Variants in FRMPD4 observed in about 807,000 individuals in gnomAD.
FRMPD4 encodes the protein FERM and PDZ domain containing 4.
In FRMPD4, 22 loss-of-function variants were observed where a neutral mutation model predicts 94.1. The observed-to-expected ratio is 0.23, with a 90% CI of 0.17 to 0.33. The LOEUF (loss-of-function observed/expected upper bound fraction) is 0.33. Ranked by LOEUF, FRMPD4 falls within the 10% of genes least tolerant of loss-of-function variation. FRMPD4 has a pLI of 1.00. For synonymous variants in FRMPD4, 631 were observed against 548.6 expected (o/e 1.15, Z -2.10); for missense variants, 1,111 against 1,339.9 (o/e 0.83, Z 2.67).
In FRMPD4 at chrX:12,723,090, A is replaced by T. The variant is rs908331587; in HGVS notation, c.*1232A>T. ...TTAAGTATTTATTAAATAAATACTT[A>T]ATCTGGATTGGCTGATAAAAATATG... On this transcript the variant is annotated 3_prime_UTR_variant, in exon 17 of 17. Transcript: ENST00000675598. 9.0e-6 allele frequency: 1 copy of T among 111,317 alleles called. No homozygotes were observed. Among genetic ancestry groups the T allele is most frequent in the Non-Finnish European group, 1.9e-5 (1 of 53,051 alleles). 9.2% of individuals were successfully genotyped at this position (111,317 alleles called of 1,213,427 possible).
At chrX:12,507,092 CTT>C (rs764119366) in intron 2 of FRMPD4, among the ~76,000 whole-genome samples, 276 of 112,293 alleles carry the variant, frequency 2.5e-3, no homozygotes, top group African/African-American at 8.5e-3. Flanking sequence ...CCTCTTGACT[CTT>C]TTTAAAAAAG....
chrX:11,899,852 T>G, intron 3 of FRMPD4, among the ~76,000 whole-genome samples: 1 of 112,810 alleles, frequency 8.9e-6, no homozygotes, highest in Admixed American at 9.4e-5. Context: ...GGAAAAATAC[T>G]AAATTTGTGA....
intron 3 of FRMPD4, among the ~76,000 whole-genome samples, chrX:12,002,182 T>C (rs1415568757): frequency 9.0e-6 from 1 of 111,628 alleles, no homozygotes; most frequent in East Asian, 2.8e-4. Flanking sequence ...TTCTGGACAA[T>C]TAAGGATGCA....
At chrX:12,244,495 G>A (rs1445202457) in intron 1 of FRMPD4, among the ~76,000 whole-genome samples, 1 of 112,022 alleles carries the variant, frequency 8.9e-6, no homozygotes, top group Admixed American at 9.4e-5. Context: ...GTTGACTGGC[G>A]CCCTAGTTCT....
At chrX:12,296,741 G>C (rs1440870571) in intron 1 of FRMPD4, among the ~76,000 whole-genome samples, 1 of 112,335 alleles carries the variant, frequency 8.9e-6, no homozygotes, top group Non-Finnish European at 1.9e-5. Flanking sequence ...ATCCCCCAGC[G>C]TCCCTGGGGT....
At chrX:12,498,250 G>A (rs2057873666) in intron 1 of FRMPD4, among the ~76,000 whole-genome samples, 1 of 111,775 alleles carries the variant, frequency 8.9e-6, no homozygotes, top group Admixed American at 9.4e-5. Flanking sequence ...TCCTTCCGAA[G>A]TATGGTTAAG....
At chrX:12,582,303 T>C (rs755268743) in intron 2 of FRMPD4, among the ~76,000 whole-genome samples, 25 of 112,172 alleles carry the variant, frequency 2.2e-4, no homozygotes, top group Non-Finnish European at 4.1e-4. Flanking sequence ...AACTGCCTGA[T>C]GAAAATAGTC....
At chrX:12,581,513 AAC>A (rs1289728030) in intron 2 of FRMPD4, among the ~76,000 whole-genome samples, 1 of 112,318 alleles carries the variant, frequency 8.9e-6, no homozygotes, top group Non-Finnish European at 1.9e-5. Context: ...GTGCTTGAAA[AAC>A]AGTCAAGAAG....
chrX:11,977,714 G>T (rs765912136), intron 3 of FRMPD4, among the ~76,000 whole-genome samples: 2 of 105,497 alleles, frequency 1.9e-5, no homozygotes, highest in African/African-American at 6.9e-5. Context: ...GGAAGCTGGG[G>T]TTGGGGGTTT....
chrX:12,264,104 G>A (rs1205524851), intron 1 of FRMPD4, among the ~76,000 whole-genome samples: 1 of 111,559 alleles, frequency 9.0e-6, no homozygotes, highest in Non-Finnish European at 1.9e-5. Context: ...AGAAGAGTCA[G>A]TGGTGACTCT....
rs990111233 is a variant in FRMPD4 at position 12,388,334 on chromosome X, C to T, written c.42-110346C>T. 1.3e-4 allele frequency among the ~76,000 whole-genome samples: 14 copies of T among 111,943 alleles called. 1 individual carries two copies. Among genetic ancestry groups the T allele is most frequent in the East Asian group, 8.4e-4 (3 of 3,568 alleles). ...AACAAAACTAAAAATAGGCTGGGTG[C>T]GGTGGCTCACGCCTGTAATCCCAGC... On this transcript the variant is annotated intron_variant, in intron 1 of 16. Coordinates refer to ENST00000675598, the MANE Select transcript of FRMPD4 (RefSeq NM_001368397.1).
chrX:12,480,511 C>T (rs1241183886), intron 1 of FRMPD4, among the ~76,000 whole-genome samples: 2 of 111,145 alleles, frequency 1.8e-5, no homozygotes, highest in Non-Finnish European at 3.8e-5. Flanking sequence ...GTTTCTTGTA[C>T]ACAATGCCCT....
intron 3 of FRMPD4, among the ~76,000 whole-genome samples, chrX:11,978,321 C>CAAAA (rs1172824155): frequency 0.014 from 231 of 16,347 alleles, 26 homozygotes; most frequent in Non-Finnish European, 0.02. Context: ...AACTCCATCT[C>CAAAA]AAAAAAAAAA....
intron 4 of FRMPD4, among the ~76,000 whole-genome samples, chrX:12,637,681 TA>T (rs1333275700): frequency 1.4e-4 from 15 of 106,098 alleles, no homozygotes; most frequent in Middle Eastern, 4.9e-3. Context: ...CTCTGTCTCT[TA>T]AAAAAAAAAA....
chrX:12,590,583 T>C (rs773747540), intron 2 of FRMPD4, among the ~76,000 whole-genome samples: 2 of 112,422 alleles, frequency 1.8e-5, no homozygotes, highest in South Asian at 7.4e-4. Flanking sequence ...TATTGTTGAA[T>C]TGAACCTTAA....
At chrX:12,134,743 C>T (rs192451005), upstream of FRMPD4, among the ~76,000 whole-genome samples, 11 of 112,256 alleles carry the variant, frequency 9.8e-5, no homozygotes, top group Non-Finnish European at 1.5e-4. Context: ...GGCAAAAGTG[C>T]CTACCTCTGA....
At chrX:12,650,454 T>G (rs1602261660) in intron 4 of FRMPD4, among the ~76,000 whole-genome samples, 1 of 61,241 alleles carries the variant, frequency 1.6e-5, no homozygotes, top group Non-Finnish European at 5.4e-5. Context: ...TAGGCACTTG[T>G]CAAATATCTG....
intron 2 of FRMPD4, among the ~76,000 whole-genome samples, chrX:12,580,302 A>G (rs1385431665): frequency 2.7e-5 from 3 of 111,767 alleles, no homozygotes; most frequent in Non-Finnish European, 5.6e-5. Context: ...CTGGAAAATA[A>G]AGAGAGAAAT....
intron 1 of FRMPD4, among the ~76,000 whole-genome samples, chrX:12,218,571 T>A (rs1233955114): frequency 8.9e-6 from 1 of 112,463 alleles, no homozygotes; most frequent in Non-Finnish European, 1.9e-5. Context: ...TCTCTACTTC[T>A]AGCATAACCC....
Sources: allele counts gnomAD v4.1 joint callset (sites outside exome capture counted in the v4.1 genomes callset), GRCh38; gene constraint gnomAD v4.1.1; transcripts MANE v1.5; gene names NCBI Gene and HGNC (gene_info 2026-07-23, HGNC 2026-07-21).